The following TBC1D1 variants were observed in gnomAD, a reference collection of about 807,000 sequenced individuals.
TBC1D1 encodes TBC1 (tre-2/USP6, BUB2, cdc16) domain family, member 1.
A neutral mutation model predicts 125.6 loss-of-function variants in TBC1D1; 89 were observed. That is an observed-to-expected ratio of 0.71 (90% CI 0.60 to 0.85). TBC1D1 has a LOEUF of 0.85. Among genes scored for constraint, TBC1D1 ranks in the 40% least tolerant of loss-of-function variants. The pLI is 0.00. For synonymous variants in TBC1D1, 565 were observed against 564.1 expected (o/e 1.00, Z -0.02); for missense variants, 1,377 against 1,469.2 (o/e 0.94, Z 1.03).
intron 8 of TBC1D1, among the ~76,000 whole-genome samples, chr4:38,037,653 A>G (rs1388726619): frequency 6.6e-6 from 1 of 152,254 alleles, no homozygotes; most frequent in Non-Finnish European, 1.5e-5. Flanking sequence ...AAGATGTGAC[A>G]TAGACCGTGG....
chr4:38,134,278 T>TG (rs1766098259), intron 19 of TBC1D1, among the ~76,000 whole-genome samples: 1 of 152,172 alleles, frequency 6.6e-6, no homozygotes, highest in Non-Finnish European at 1.5e-5. Flanking sequence ...CTATCTGAAA[T>TG]GCATTCCTCC....
rs570701070 is a variant in TBC1D1 at position 37,894,424 on chromosome 4, G to GT, written c.-94+3081dup. On this transcript the variant is annotated intron_variant, in intron 1 of 19. Coordinates refer to ENST00000261439, the MANE Select transcript of TBC1D1 (RefSeq NM_015173.4). The stretch of plus-strand genomic sequence containing the variant: ...CAACTGAAAAACTCTTGATATGTAG[G>GT]TTTTTATGAAGCTGTGCAGAATGTA... 4.0e-3 allele frequency among the ~76,000 whole-genome samples: 609 copies of GT among 152,280 alleles called. 9 individuals carry two copies. The highest frequency in any genetic ancestry group is 3.0e-3 in the Non-Finnish European group (202 of 68,014).
rs1764393484 is a variant in TBC1D1, at chr4:38,124,899, ATGG to A, written c.2963-62_2963-60del. The A allele has an allele frequency of 2.1e-6, 3 of 1,442,456 alleles. No individual in the cohort carries two copies. The African/African-American group carries it at 4.2e-5, about 20-fold the overall frequency. 89.4% of individuals were successfully genotyped at this position (1,442,456 alleles called of 1,614,324 possible). A position where few individuals can be genotyped will look rare whatever the true frequency, so the allele number is the denominator to read the frequency against. ...TGCTCTGTGATGTGTGGAAAAGGCA[ATGG>A]AATGGTATTGCGTGAGAAACTGGTC... On this transcript the variant is annotated intron_variant, in intron 17 of 19. Transcript: ENST00000261439.
chr4:37,917,291 T>C (rs1038016516), intron 2 of TBC1D1, among the ~76,000 whole-genome samples: 35 of 151,470 alleles, frequency 2.3e-4, no homozygotes, highest in Non-Finnish European at 4.4e-4. Flanking sequence ...CTGGCCAACA[T>C]GGTGAAACCC....
chr4:38,111,826 G>A (rs1361351096), intron 15 of TBC1D1: 5 of 474,800 alleles, frequency 1.1e-5, no homozygotes, highest in Non-Finnish European at 1.4e-5. Context: ...CGTGTAAAAC[G>A]TGGACTGTGT....
At chr4:37,934,424 T>C (rs1408088448) in intron 2 of TBC1D1, among the ~76,000 whole-genome samples, 1 of 152,048 alleles carries the variant, frequency 6.6e-6, no homozygotes, top group Non-Finnish European at 1.5e-5. Flanking sequence ...ACGATATGGC[T>C]TGAAAACGGG....
Position 37,977,881 on chromosome 4 carries a change from G to T in TBC1D1, c.418-36628G>T, listed in dbSNP as rs1733541222. Among the ~76,000 whole-genome samples the T allele has an allele frequency of 6.6e-6, 1 of 152,102 alleles. No homozygotes were observed. Among genetic ancestry groups the T allele is most frequent in the Non-Finnish European group, 1.5e-5 (1 of 68,000 alleles). ...TGCCTCCCCGGCGCGGGACCTCGCG[G>T]AAGTCGACCCCGCGTGTCTCCCTCG... On this transcript the variant is annotated intron_variant, in intron 2 of 19. Coordinates refer to ENST00000261439, the MANE Select transcript of TBC1D1 (RefSeq NM_015173.4). This position sits in a 1 kb window ranked among gnomAD's most constrained non-coding sequence, Gnocchi z 4.3.
At chr4:38,128,829 A>C (rs1392293236) in intron 18 of TBC1D1, among the ~76,000 whole-genome samples, 1 of 152,254 alleles carries the variant, frequency 6.6e-6, no homozygotes, top group African/African-American at 2.4e-5. Flanking sequence ...TGACCCAAGA[A>C]GAATGGAAAC....
At chr4:37,953,381 T>C (rs1184594226) in intron 2 of TBC1D1, among the ~76,000 whole-genome samples, 1 of 152,218 alleles carries the variant, frequency 6.6e-6, no homozygotes. Context: ...TAAAGCTTCA[T>C]CAAGGAGAGG....
chr4:37,952,093 C>A, intron 2 of TBC1D1: 1 of 717,192 alleles, frequency 1.4e-6, no homozygotes, highest in Non-Finnish European at 2.6e-6. Context: ...AGTGAACCAC[C>A]AGTGTCAGCA....
chr4:37,892,975 G>T (rs1323392482), intron 1 of TBC1D1, among the ~76,000 whole-genome samples: 1 of 152,186 alleles, frequency 6.6e-6, no homozygotes, highest in African/African-American at 2.4e-5. Flanking sequence ...GCCAGATGTG[G>T]GCGGGTGGCT....
intron 2 of TBC1D1, among the ~76,000 whole-genome samples, chr4:37,923,658 T>C (rs1577876174): frequency 1.3e-5 from 2 of 149,156 alleles, no homozygotes; most frequent in South Asian, 2.1e-4. Context: ...ACTATTATTC[T>C]CCTGCTGCAC....
chr4:38,121,190 A>C (rs1045544388), intron 17 of TBC1D1, among the ~76,000 whole-genome samples: 1 of 152,176 alleles, frequency 6.6e-6, no homozygotes, highest in Non-Finnish European at 1.5e-5. Context: ...CGTTACTCAT[A>C]GAATGTAGCG....
chr4:38,084,419 T>C (rs560131311), intron 12 of TBC1D1, among the ~76,000 whole-genome samples: 1 of 152,390 alleles, frequency 6.6e-6, no homozygotes, highest in East Asian at 1.9e-4. Context: ...GCATATCTGC[T>C]GTTTCCCAGG....
intron 2 of TBC1D1, among the ~76,000 whole-genome samples, chr4:37,960,086 T>G (rs543546217): frequency 6.6e-6 from 1 of 152,334 alleles, no homozygotes; most frequent in South Asian, 2.1e-4. Flanking sequence ...CAGAAACTAT[T>G]TATTTATTGG....
chr4:38,132,847 T>A, intron 18 of TBC1D1: 1 of 260,750 alleles, frequency 3.8e-6, no homozygotes, highest in African/African-American at 2.3e-5. Flanking sequence ...ATCAAAAACC[T>A]GTACTTAATG....
At chr4:37,894,893 A>G (rs1176884248) in intron 1 of TBC1D1, among the ~76,000 whole-genome samples, 1 of 152,190 alleles carries the variant, frequency 6.6e-6, no homozygotes, top group African/African-American at 2.4e-5. Flanking sequence ...GTTTGTAGAT[A>G]AGACAGATAT....
chr4:38,109,667 CA>C (rs11343637), intron 15 of TBC1D1, among the ~76,000 whole-genome samples: 31,883 of 152,040 alleles, frequency 0.21, 3,683 homozygotes, highest in Non-Finnish European at 0.24. Context: ...AAGTGTTTCC[CA>C]AAAACAATCT....
intron 12 of TBC1D1, among the ~76,000 whole-genome samples, chr4:38,087,531 T>C (rs943675147): frequency 2.6e-5 from 4 of 152,210 alleles, no homozygotes; most frequent in African/African-American, 9.6e-5. Context: ...GCCCTTGTTT[T>C]ACTAGTAGGG....
Sources: gnomAD v4.1 joint callset for allele counts (sites outside exome capture counted in the v4.1 genomes callset) on GRCh38, gnomAD v4.1.1 for gene constraint, Gnocchi (gnomAD v3.1) non-coding constraint, MANE v1.5 for transcripts, NCBI Gene and HGNC (gene_info 2026-07-23, HGNC 2026-07-21) for gene names.